FSTL5: variants seen among roughly 807,000 people sequenced by gnomAD.
The protein encoded by FSTL5 is follistatin-related protein 5.
A neutral mutation model predicts 89.1 loss-of-function variants in FSTL5; 62 were observed. That is an observed-to-expected ratio of 0.70 (90% CI 0.57 to 0.86). The LOEUF is 0.86. Ranked by LOEUF, FSTL5 falls within the 40% of genes least tolerant of loss-of-function variation. The pLI, the probability that FSTL5 is intolerant of heterozygous loss-of-function variation, is 0.00. For missense variants in FSTL5, 1,057 were observed against 1,001.6 expected, an observed-to-expected ratio of 1.06 and a Z score of -0.75; for synonymous variants, 383 against 346.2, an observed-to-expected ratio of 1.11 and a Z score of -1.18.
intron 12 of FSTL5, among the ~76,000 whole-genome samples, chr4:161,491,701 C>A (rs541576484): frequency 6.6e-6 from 1 of 151,970 alleles, no homozygotes; most frequent in East Asian, 1.9e-4. Context: ...ATTAGCTGGG[C>A]GTGGTGGCAC....
chr4:162,159,510 C>T (rs1365296459), intron 1 of FSTL5, among the ~76,000 whole-genome samples: 2 of 152,120 alleles, frequency 1.3e-5, no homozygotes, highest in East Asian at 1.9e-4. Context: ...CCAAAAGCCA[C>T]ATTAAATTAA....
chr4:161,603,285 T>C (rs948322521), intron 7 of FSTL5, among the ~76,000 whole-genome samples: 1 of 152,178 alleles, frequency 6.6e-6, no homozygotes, highest in African/African-American at 2.4e-5. Flanking sequence ...CCAGTGCATA[T>C]AAAAAGTTAC....
chr4:161,746,434 C>A (rs2126777089), intron 6 of FSTL5, among the ~76,000 whole-genome samples: 1 of 152,032 alleles, frequency 6.6e-6, no homozygotes, highest in Non-Finnish European at 1.5e-5. Context: ...TTAGTAGTGC[C>A]CTGGTGAATG....
intron 3 of FSTL5, among the ~76,000 whole-genome samples, chr4:161,952,447 T>C (rs1356248330): frequency 1.3e-5 from 2 of 151,912 alleles, no homozygotes; most frequent in African/African-American, 2.4e-5. Flanking sequence ...CATATAATAG[T>C]AGGAAAAATA....
chr4:161,823,312 C>T (rs557759693), intron 4 of FSTL5, among the ~76,000 whole-genome samples: 3 of 152,282 alleles, frequency 2.0e-5, no homozygotes, highest in Non-Finnish European at 4.4e-5. Flanking sequence ...CCAAGCTGTT[C>T]ATCCCAAGGG....
intron 4 of FSTL5, among the ~76,000 whole-genome samples, chr4:161,786,611 C>T (rs185247931): frequency 1.6e-3 from 243 of 152,140 alleles, no homozygotes; most frequent in Middle Eastern, 6.8e-3. Context: ...AATCTTTGTC[C>T]CTCCAGAAAA....
At chr4:161,554,552 A>T (rs903262747) in intron 8 of FSTL5, among the ~76,000 whole-genome samples, 17 of 151,704 alleles carry the variant, frequency 1.1e-4, no homozygotes, top group Admixed American at 9.9e-4. Flanking sequence ...AGAGGCAGGG[A>T]TCACTGACCC....
At chr4:161,779,791 A>ATGTATG (rs1160402996) in intron 4 of FSTL5, among the ~76,000 whole-genome samples, 1 of 51,592 alleles carries the variant, frequency 1.9e-5, no homozygotes, top group Non-Finnish European at 3.0e-5. Context: ...ATATATATAT[A>ATGTATG]TATATATATA....
At chr4:161,838,755 A>C (rs1261319157) in intron 4 of FSTL5, among the ~76,000 whole-genome samples, 1 of 152,100 alleles carries the variant, frequency 6.6e-6, no homozygotes, top group Non-Finnish European at 1.5e-5. Flanking sequence ...ACCAAATTAA[A>C]CATTTTAAGA....
intron 6 of FSTL5, among the ~76,000 whole-genome samples, chr4:161,680,650 G>GTT (rs138198269): frequency 3.1e-4 from 46 of 149,680 alleles, no homozygotes; most frequent in South Asian, 1.0e-3. Context: ...CTTATTTTGT[G>GTT]TTTTTTTTTA....
intron 3 of FSTL5, among the ~76,000 whole-genome samples, chr4:161,944,560 T>C (rs1160422304): frequency 6.6e-6 from 1 of 151,942 alleles, no homozygotes; most frequent in Non-Finnish European, 1.5e-5. Context: ...TGTCAGACTA[T>C]GCTATAATAT....
At chr4:161,634,325 AG>A (rs1735612477) in intron 7 of FSTL5, among the ~76,000 whole-genome samples, 1 of 152,240 alleles carries the variant, frequency 6.6e-6, no homozygotes, top group Non-Finnish European at 1.5e-5. Flanking sequence ...ATTAGCCAAA[AG>A]ATAGCCCTCT....
chr4:161,809,431 T>C (rs1445925229), intron 4 of FSTL5, among the ~76,000 whole-genome samples: 2 of 152,190 alleles, frequency 1.3e-5, no homozygotes, highest in Non-Finnish European at 2.9e-5. Context: ...TGGTGGTTTC[T>C]CTAAAAATTA....
intron 2 of FSTL5, among the ~76,000 whole-genome samples, chr4:162,096,731 A>ATTT (rs1444738103): frequency 2.6e-5 from 4 of 152,062 alleles, no homozygotes; most frequent in Non-Finnish European, 5.9e-5. Context: ...TTAAGTATGA[A>ATTT]CAAGTTTACT....
At chr4:162,107,567 A>G (rs1054465887) in intron 2 of FSTL5, among the ~76,000 whole-genome samples, 1 of 152,102 alleles carries the variant, frequency 6.6e-6, no homozygotes, top group Non-Finnish European at 1.5e-5. Flanking sequence ...ATGGTTAAGT[A>G]TTGCTTCCTC....
chr4:161,474,603 T>C (rs2126441394), intron 13 of FSTL5, among the ~76,000 whole-genome samples: 1 of 151,326 alleles, frequency 6.6e-6, no homozygotes, highest in East Asian at 2.0e-4. Context: ...TGGAGTGCAG[T>C]GGCAGGATCT....
Position 161,413,735 on chromosome 4 carries a change from C to T in FSTL5, c.1842-27286G>A, listed in dbSNP as rs74867259. Among the ~76,000 whole-genome samples, 528 of 152,252 alleles carry T rather than the reference C, an allele frequency of 3.5e-3. 13 individuals are homozygous for T. In the East Asian group the frequency reaches 0.054, roughly 16 times the overall value. ...GGTAAATACGAACCATGGAATACTACATAGACATAAAATACAATGAAATCA... is the reference window on the plus strand; with the variant it reads ...GGTAAATACGAACCATGGAATACTATATAGACATAAAATACAATGAAATCA... On this transcript the variant is annotated intron_variant, in intron 15 of 15. Transcript: ENST00000306100.
intron 7 of FSTL5, among the ~76,000 whole-genome samples, chr4:161,628,257 C>A (rs938280263): frequency 6.6e-6 from 1 of 152,116 alleles, no homozygotes; most frequent in African/African-American, 2.4e-5. Context: ...CATTTTTATA[C>A]AGACTTAATT....
intron 13 of FSTL5, among the ~76,000 whole-genome samples, chr4:161,479,328 T>C (rs1729417958): frequency 6.6e-6 from 1 of 152,114 alleles, no homozygotes; most frequent in African/African-American, 2.4e-5. Context: ...TAATTTTAAA[T>C]GTTTCACCAT....
Sources: gnomAD v4.1 joint callset for allele counts (sites outside exome capture counted in the v4.1 genomes callset) on GRCh38, gnomAD v4.1.1 for gene constraint, MANE v1.5 for transcripts, NCBI Gene and HGNC (gene_info 2026-07-23, HGNC 2026-07-21) for gene names.